Variants in ELMO1 observed in about 807,000 individuals in gnomAD.
The protein encoded by ELMO1 is engulfment and cell motility 1.
A neutral mutation model predicts 98.9 loss-of-function variants in ELMO1; 26 were observed. The observed-to-expected ratio is 0.26, with a 90% confidence interval of 0.19 to 0.36. The LOEUF (loss-of-function observed/expected upper bound fraction) is 0.36. ELMO1 is among the 10% of genes least tolerant of loss of function. ELMO1 has a pLI of 1.00. For missense variants in ELMO1, 627 were observed against 935.2 expected, an observed-to-expected ratio of 0.67 and a Z score of 4.30; for synonymous variants, 346 against 346.0, an observed-to-expected ratio of 1.00 and a Z score of 0.00.
chr7:36,960,021 C>CT (rs202018632), intron 16 of ELMO1, among the ~76,000 whole-genome samples: 1,568 of 152,314 alleles, frequency 0.01, 14 homozygotes, highest in Non-Finnish European at 0.016. Flanking sequence ...CCTACAGGAA[C>CT]TTTGTCTCAG....
intron 16 of ELMO1, among the ~76,000 whole-genome samples, chr7:36,957,486 T>G (rs758267216): frequency 2.0e-5 from 3 of 152,220 alleles, no homozygotes; most frequent in African/African-American, 7.2e-5. Context: ...CCTCTCTTTA[T>G]CATCATTCTT....
chr7:37,336,125 G>A (rs1800392228), intron 2 of ELMO1, among the ~76,000 whole-genome samples: 4 of 152,072 alleles, frequency 2.6e-5, no homozygotes. Flanking sequence ...TACTCGAGAG[G>A]CTGAGGCAGG....
intron 15 of ELMO1, among the ~76,000 whole-genome samples, chr7:37,072,746 G>A (rs1027875030): frequency 2.6e-5 from 4 of 152,086 alleles, no homozygotes; most frequent in African/African-American, 9.7e-5. Flanking sequence ...GGTGCCACTG[G>A]TTTCTCTTCT....
chr7:36,879,220 T>C (rs1804223478), intron 18 of ELMO1, among the ~76,000 whole-genome samples: 1 of 152,224 alleles, frequency 6.6e-6, no homozygotes, highest in African/African-American at 2.4e-5. Flanking sequence ...GTCTTCATAA[T>C]TGCAACATCC....
chr7:37,212,620 A>G (rs1793041585), intron 12 of ELMO1, among the ~76,000 whole-genome samples: 1 of 152,164 alleles, frequency 6.6e-6, no homozygotes, highest in Non-Finnish European at 1.5e-5. Context: ...CCATGAATGA[A>G]GTGCCACGGC....
chr7:37,313,616 T>C (rs938319941), intron 4 of ELMO1, among the ~76,000 whole-genome samples: 6 of 152,226 alleles, frequency 3.9e-5, no homozygotes, highest in Admixed American at 3.9e-4. Context: ...AGTGTTCATC[T>C]GGGAAGAACG....
chr7:37,239,134 T>C (rs1003359976), intron 7 of ELMO1, among the ~76,000 whole-genome samples: 3 of 152,224 alleles, frequency 2.0e-5, no homozygotes, highest in Admixed American at 6.5e-5. Context: ...GTGTAACCTG[T>C]TATTGTTGTA....
intron 16 of ELMO1, among the ~76,000 whole-genome samples, chr7:36,936,729 T>C (rs1215013142): frequency 1.3e-5 from 2 of 152,196 alleles, no homozygotes; most frequent in Admixed American, 1.3e-4. Context: ...GTTGAGATTA[T>C]AGGTGTAAGC....
At chr7:37,413,133 T>C (rs1804062148) in intron 1 of ELMO1, among the ~76,000 whole-genome samples, 1 of 146,602 alleles carries the variant, frequency 6.8e-6, no homozygotes, top group East Asian at 2.0e-4. Context: ...ACCAAATTTT[T>C]TTTTTGTTTT....
intron 16 of ELMO1, among the ~76,000 whole-genome samples, chr7:36,917,917 CAT>C (rs59587071): frequency 0.053 from 8,014 of 152,176 alleles, 286 homozygotes; most frequent in East Asian, 0.18. Context: ...GTTTATACAA[CAT>C]AGATATATCT....
chr7:37,322,282 AGCCTAG>A (rs887829788), intron 2 of ELMO1, among the ~76,000 whole-genome samples: 6 of 152,116 alleles, frequency 3.9e-5, no homozygotes, highest in Admixed American at 3.9e-4. Context: ...GTTTGAGACC[AGCCTAG>A]GCAACATGGC....
intron 14 of ELMO1, among the ~76,000 whole-genome samples, chr7:37,098,908 C>T (rs1041908549): frequency 2.0e-5 from 3 of 152,188 alleles, no homozygotes; most frequent in African/African-American, 7.2e-5. Context: ...TTCCTCGGCT[C>T]CCAGCTTCCA....
intron 1 of ELMO1, among the ~76,000 whole-genome samples, chr7:37,392,093 C>T (rs1032463999): frequency 2.6e-5 from 4 of 152,096 alleles, no homozygotes; most frequent in Admixed American, 6.5e-5. Flanking sequence ...GTCTGCAACC[C>T]GGGGAAGTTA....
At chr7:37,275,043 T>A (rs1266704549) in intron 4 of ELMO1, among the ~76,000 whole-genome samples, 1 of 152,228 alleles carries the variant, frequency 6.6e-6, no homozygotes, top group East Asian at 1.9e-4. Flanking sequence ...ATAAGTTATT[T>A]GCCCAACATC....
chr7:37,247,817 G>C (rs1282287441), intron 6 of ELMO1, among the ~76,000 whole-genome samples: 1 of 151,988 alleles, frequency 6.6e-6, no homozygotes, highest in African/African-American at 2.4e-5. Flanking sequence ...ACTTAAATGG[G>C]GTCTCTGGGA....
intron 1 of ELMO1, among the ~76,000 whole-genome samples, chr7:37,393,375 A>T (rs1391650996): frequency 1.3e-5 from 2 of 152,102 alleles, no homozygotes; most frequent in Admixed American, 1.3e-4. Flanking sequence ...TGCCCTTGTG[A>T]CCTCGTTCAA....
intron 15 of ELMO1, among the ~76,000 whole-genome samples, chr7:37,033,832 G>A (rs13227735): frequency 0.29 from 43,722 of 152,068 alleles, 8,608 homozygotes; most frequent in African/African-American, 0.56. Flanking sequence ...CGAGGCAGAA[G>A]GGAGTGGGTG....
rs183411417 is a variant in ELMO1, at chr7:37,047,212, C to A, written c.1301-33777G>T. On this transcript the variant is annotated intron_variant, in intron 15 of 21. Transcript: ENST00000310758. Reference sequence around the variant, plus strand: ...GTCTGTAATACAAGTTTGTTGAATACAAATGACCTGGCATTTCATTTTATA... The same window carrying A: ...GTCTGTAATACAAGTTTGTTGAATAAAAATGACCTGGCATTTCATTTTATA... 1.4e-3 allele frequency among the ~76,000 whole-genome samples: 207 copies of A among 152,332 alleles called. 1 individual carries two copies. The highest frequency in any genetic ancestry group is 2.5e-3 in the Non-Finnish European group (171 of 68,012).
chr7:37,224,294 A>G (rs1793751482), intron 9 of ELMO1, among the ~76,000 whole-genome samples: 1 of 152,352 alleles, frequency 6.6e-6, no homozygotes, highest in South Asian at 2.1e-4. Flanking sequence ...AAAGAAGGGG[A>G]AAAATGCCTC....
Sources: allele counts gnomAD v4.1 joint callset (sites outside exome capture counted in the v4.1 genomes callset), GRCh38; gene constraint gnomAD v4.1.1; transcripts MANE v1.5; gene names NCBI Gene and HGNC (gene_info 2026-07-23, HGNC 2026-07-21).